Variants in MYZAP observed in about 807,000 individuals in gnomAD.
MYZAP encodes GRINL1A complex locus upstream.
Under a neutral mutation model 69.4 loss-of-function variants are expected in MYZAP, and 66 were observed. The ratio of observed to expected loss-of-function variants is 0.95; its 90% confidence interval spans 0.78 to 1.17. MYZAP has a LOEUF of 1.17. MYZAP is among the 50% of genes most tolerant of loss of function. MYZAP has a pLI of 0.00. For missense variants in MYZAP, 611 were observed against 556.2 expected, an observed-to-expected ratio of 1.10 and a Z score of -0.99; for synonymous variants, 256 against 205.9, an observed-to-expected ratio of 1.24 and a Z score of -2.09.
chr15:57,631,674 A>G (rs2036515181), intron 6 of MYZAP, among the ~76,000 whole-genome samples: 1 of 152,150 alleles, frequency 6.6e-6, no homozygotes, highest in South Asian at 2.1e-4. Context: ...CCCAGTGATG[A>G]GAAGGGAGAA....
chr15:57,631,124 T>TG (rs1324514164), intron 6 of MYZAP, among the ~76,000 whole-genome samples: 1 of 152,180 alleles, frequency 6.6e-6, no homozygotes, highest in African/African-American at 2.4e-5. Context: ...AAGAGTTACT[T>TG]GGGGGGTGAA....
At chr15:57,604,419 C>A in intron 2 of MYZAP, 64 bp downstream of exon 2, 2 of 1,577,292 alleles carry the variant, frequency 1.3e-6, no homozygotes, top group South Asian at 2.3e-5. Flanking sequence ...CCCACTCTCC[C>A]ATCTCCTAAC....
At chr15:57,671,417 T>C (rs1259988309) in intron 11 of MYZAP, among the ~76,000 whole-genome samples, 1 of 152,132 alleles carries the variant, frequency 6.6e-6, no homozygotes, top group African/African-American at 2.4e-5. Context: ...AATTTGTAAA[T>C]TTATGTCTTT....
intron 2 of MYZAP, among the ~76,000 whole-genome samples, chr15:57,605,974 G>A (rs2034718488): frequency 6.6e-6 from 1 of 152,054 alleles, no homozygotes; most frequent in Non-Finnish European, 1.5e-5. Context: ...TTGGAGAAGG[G>A]GAGTAGAGGC....
At chr15:57,621,164 G>A (rs2035783106) in intron 3 of MYZAP, among the ~76,000 whole-genome samples, 1 of 139,128 alleles carries the variant, frequency 7.2e-6, no homozygotes, top group Non-Finnish European at 1.6e-5. Context: ...TTCCTGTCTT[G>A]TTCTTAAGTT....
rs754163797 is a variant in MYZAP, at chr15:57,618,013, C to G, written c.163-20C>G. ...CCTAAAGAGTCATTATTCTTTTTTTCTTTTCCTACTTTCTTTTAGCTTCTT... is the reference window on the plus strand; with the variant it reads ...CCTAAAGAGTCATTATTCTTTTTTTGTTTTCCTACTTTCTTTTAGCTTCTT... On this transcript the variant is annotated intron_variant, in intron 2 of 12. Transcript: ENST00000267853. 33 of 1,601,592 alleles carry G rather than the reference C, an allele frequency of 2.1e-5. No individual in the cohort carries two copies. In the Admixed American group the frequency reaches 2.3e-4, roughly 11 times the overall value.
chr15:57,648,067 G>A (rs1389636423), intron 10 of MYZAP: 1 of 983,210 alleles, frequency 1.0e-6, no homozygotes, highest in African/African-American at 1.8e-5. Flanking sequence ...GATTTATTGT[G>A]AATGACAATG....
intron 10 of MYZAP, 46 bp downstream of exon 10, chr15:57,639,591 TG>T (rs767480211): frequency 2.5e-6 from 4 of 1,581,308 alleles, no homozygotes; most frequent in South Asian, 1.1e-5. Flanking sequence ...CTTCCTGTGG[TG>T]GGGAAGCATC....
chr15:57,640,321 C>T (rs2037074600), intron 10 of MYZAP, among the ~76,000 whole-genome samples: 1 of 151,948 alleles, frequency 6.6e-6, no homozygotes. Context: ...TCTTCTTGCT[C>T]AATTAAAAAA....
chr15:57,661,870 C>T (rs1469214111), intron 11 of MYZAP, among the ~76,000 whole-genome samples: 3 of 152,154 alleles, frequency 2.0e-5, no homozygotes, highest in African/African-American at 7.2e-5. Context: ...CATATACATT[C>T]CTTACATTAT....
At chr15:57,616,141 G>A (rs1249597501) in intron 2 of MYZAP, among the ~76,000 whole-genome samples, 2 of 152,166 alleles carry the variant, frequency 1.3e-5, no homozygotes, top group African/African-American at 4.8e-5. Flanking sequence ...GGATCATAAA[G>A]TACTTAAAGT....
intron 1 of MYZAP, among the ~76,000 whole-genome samples, chr15:57,603,223 C>A (rs1238445288): frequency 6.6e-6 from 1 of 152,118 alleles, no homozygotes; most frequent in East Asian, 1.9e-4. Context: ...AGATGTCTTA[C>A]CAAAACTCAT....
At chr15:57,671,049 T>C (rs116896134) in intron 11 of MYZAP, among the ~76,000 whole-genome samples, 22 of 152,254 alleles carry the variant, frequency 1.4e-4, no homozygotes, top group Non-Finnish European at 3.2e-4. Flanking sequence ...TTTCTGAAGG[T>C]CTGAGTTTCT....
intron 4 of MYZAP, among the ~76,000 whole-genome samples, chr15:57,622,808 C>A (rs2035898728): frequency 6.6e-6 from 1 of 152,166 alleles, no homozygotes; most frequent in African/African-American, 2.4e-5. Context: ...AATGCCTTTT[C>A]TTATTATGAT....
chr15:57,604,415 C>T (rs2034611046), intron 2 of MYZAP, 60 bp downstream of exon 2: 1 of 1,582,400 alleles, frequency 6.3e-7, no homozygotes, highest in Non-Finnish European at 8.7e-7. Flanking sequence ...TTAACCCACT[C>T]TCCCATCTCC....
intron 8 of MYZAP, among the ~76,000 whole-genome samples, chr15:57,634,747 T>G (rs1401760827): frequency 1.3e-5 from 2 of 152,230 alleles, no homozygotes; most frequent in African/African-American, 2.4e-5. Flanking sequence ...GCTTTTTACT[T>G]GGGAGAGACT....
intron 5 of MYZAP, among the ~76,000 whole-genome samples, chr15:57,627,605 TCTGTCC>T (rs1291220469): frequency 6.6e-6 from 1 of 152,106 alleles, no homozygotes; most frequent in Non-Finnish European, 1.5e-5. Context: ...ACTGGCCCAC[TCTGTCC>T]ACTTTCATTA....
chr15:57,601,828 A>G (rs2034434220), intron 1 of MYZAP, among the ~76,000 whole-genome samples: 1 of 152,114 alleles, frequency 6.6e-6, no homozygotes. Context: ...AAGGGGAATT[A>G]GTTTGCAGTC....
At chr15:57,678,041 C>A (rs1189371956) in intron 12 of MYZAP, among the ~76,000 whole-genome samples, 2 of 116,272 alleles carry the variant, frequency 1.7e-5, no homozygotes, top group African/African-American at 7.0e-5. Flanking sequence ...TTATCTCTAC[C>A]AAAAAAAAAA....
Sources: allele counts gnomAD v4.1 joint callset (sites outside exome capture counted in the v4.1 genomes callset), GRCh38; gene constraint gnomAD v4.1.1; transcripts MANE v1.5; gene names NCBI Gene and HGNC (gene_info 2026-07-23, HGNC 2026-07-21).